Variants in ROBO2 observed in about 807,000 individuals in gnomAD.
ROBO2 encodes roundabout guidance receptor 2.
A neutral mutation model predicts 160.8 loss-of-function variants in ROBO2; 53 were observed. That is an observed-to-expected ratio of 0.33 (90% CI 0.26 to 0.41). ROBO2 has a LOEUF of 0.41. ROBO2 is among the 10% of genes least tolerant of loss of function. ROBO2 has a pLI of 1.00. For synonymous variants in ROBO2, 664 were observed against 611.7 expected (o/e 1.09, Z -1.26); for missense variants, 1,577 against 1,722.4 (o/e 0.92, Z 1.49).
At chr3:76,429,342 A>T (rs970727761) in intron 2 of ROBO2, among the ~76,000 whole-genome samples, 13 of 152,208 alleles carry the variant, frequency 8.5e-5, no homozygotes, top group African/African-American at 3.1e-4. Context: ...CTGTGTTCTA[A>T]CATTTGTGGA....
chr3:75,967,730 C>T (rs1395352587), intron 2 of ROBO2, among the ~76,000 whole-genome samples: 2 of 151,140 alleles, frequency 1.3e-5, no homozygotes, highest in African/African-American at 4.9e-5. Context: ...CATTAAAAAC[C>T]AACCTTATTT....
chr3:76,876,234 C>T (rs2072703223), intron 2 of ROBO2, among the ~76,000 whole-genome samples: 2 of 152,176 alleles, frequency 1.3e-5, no homozygotes, highest in African/African-American at 4.8e-5. Flanking sequence ...CAAGTATTAA[C>T]TCATCAAACG....
At chr3:76,293,706 C>T (rs1708923277) in intron 2 of ROBO2, among the ~76,000 whole-genome samples, 2 of 152,184 alleles carry the variant, frequency 1.3e-5, no homozygotes, top group Admixed American at 1.3e-4. Flanking sequence ...AGAATCAACC[C>T]TTCTAAAGCC....
intron 2 of ROBO2, among the ~76,000 whole-genome samples, chr3:77,373,986 A>G (rs2072226036): frequency 1.3e-5 from 2 of 151,576 alleles, no homozygotes; most frequent in African/African-American, 4.8e-5. Context: ...CAGCCTGGAC[A>G]TGGTGAAACC....
At chr3:76,288,204 T>C (rs140425274) in intron 2 of ROBO2, among the ~76,000 whole-genome samples, 71 of 152,272 alleles carry the variant, frequency 4.7e-4, no homozygotes, top group African/African-American at 1.7e-3. Flanking sequence ...AACATACAAA[T>C]GTCAGTAGAC....
chr3:77,437,126 T>G (rs1259813180), intron 2 of ROBO2, among the ~76,000 whole-genome samples: 1 of 152,034 alleles, frequency 6.6e-6, no homozygotes, highest in African/African-American at 2.4e-5. Flanking sequence ...TGACAAAGGA[T>G]GACAGATTTT....
At chr3:76,051,980 A>T (rs899662692) in intron 2 of ROBO2, among the ~76,000 whole-genome samples, 8 of 152,088 alleles carry the variant, frequency 5.3e-5, no homozygotes, top group Non-Finnish European at 1.0e-4. Context: ...ATATTTATGG[A>T]AAAGCTTCCC....
At chr3:76,997,865 G>A (rs1279981640) in intron 2 of ROBO2, among the ~76,000 whole-genome samples, 2 of 152,146 alleles carry the variant, frequency 1.3e-5, no homozygotes, top group South Asian at 2.1e-4. Flanking sequence ...TGTCAGCTGG[G>A]AAATGGCCCA....
At chr3:77,185,048 T>A (rs1357087305) in intron 2 of ROBO2, among the ~76,000 whole-genome samples, 1 of 151,712 alleles carries the variant, frequency 6.6e-6, no homozygotes, top group Non-Finnish European at 1.5e-5. Flanking sequence ...GAAAACAGAT[T>A]TGGCAAAATT....
At chr3:76,957,701 C>T (rs1299723606) in intron 2 of ROBO2, among the ~76,000 whole-genome samples, 4 of 151,690 alleles carry the variant, frequency 2.6e-5, no homozygotes, top group Admixed American at 6.6e-5. Flanking sequence ...CGTGGTGGCA[C>T]GTGTCTGTAA....
chr3:76,059,081 G>C (rs2067971272), intron 2 of ROBO2, among the ~76,000 whole-genome samples: 1 of 151,254 alleles, frequency 6.6e-6, no homozygotes, highest in African/African-American at 2.4e-5. Context: ...CCAAGTCTTT[G>C]CTATTGTGAA....
chr3:77,244,728 A>G (rs1049249060), intron 2 of ROBO2, among the ~76,000 whole-genome samples: 4 of 151,994 alleles, frequency 2.6e-5, no homozygotes, highest in Admixed American at 2.0e-4. Context: ...AATACAGAAA[A>G]TTAGCCAGAT....
intron 2 of ROBO2, among the ~76,000 whole-genome samples, chr3:76,046,789 T>C (rs996842366): frequency 6.6e-6 from 1 of 151,066 alleles, no homozygotes; most frequent in Non-Finnish European, 1.5e-5. Context: ...TTCATATTGG[T>C]GTTTCTCCCA....
chr3:76,874,798 C>A (rs1352935039), intron 2 of ROBO2, among the ~76,000 whole-genome samples: 1 of 151,956 alleles, frequency 6.6e-6, no homozygotes, highest in East Asian at 1.9e-4. Flanking sequence ...GGTGCCAGAC[C>A]CGGACAGGCC....
chr3:76,188,304 TAAG>T (rs759160011), intron 2 of ROBO2, among the ~76,000 whole-genome samples: 4 of 151,990 alleles, frequency 2.6e-5, no homozygotes, highest in Non-Finnish European at 5.9e-5. Flanking sequence ...TAGGGCTTTT[TAAG>T]AAGGAGAAAT....
Position 75,927,706 on chromosome 3 carries a change from T to G in ROBO2, c.-13-9775T>G, listed in dbSNP as rs75764032. 0.011 allele frequency among the ~76,000 whole-genome samples: 1,706 copies of G among 152,308 alleles called. 212 individuals carry two copies. The East Asian group carries it at 0.28, about 25-fold the overall frequency. ...AAAGTTTCTTGTGGAATTTCCCAAA[T>G]GCCAGCATGGCCACATACAATACAG... is the stretch of plus-strand genomic sequence containing the variant. On this transcript the variant is annotated intron_variant, in intron 1 of 26. Transcript: ENST00000487694.
At chr3:76,663,461 T>G (rs1005364719) in intron 2 of ROBO2, among the ~76,000 whole-genome samples, 4 of 152,124 alleles carry the variant, frequency 2.6e-5, no homozygotes, top group African/African-American at 9.7e-5. Flanking sequence ...TTCCAAAGAT[T>G]GTTTAGTGCT....
At chr3:77,497,519 T>C (rs6768606) in intron 5 of ROBO2, among the ~76,000 whole-genome samples, 17,524 of 152,114 alleles carry the variant, frequency 0.12, 1,049 homozygotes, top group East Asian at 0.2. Flanking sequence ...ATCAGTTCTT[T>C]AGTTTTTGTT....
intron 2 of ROBO2, among the ~76,000 whole-genome samples, chr3:76,277,394 A>G (rs970798998): frequency 3.3e-5 from 5 of 151,972 alleles, no homozygotes; most frequent in African/African-American, 1.2e-4. Flanking sequence ...GTTTTAGATA[A>G]GAAGAAACAT....
Sources: gnomAD v4.1 joint callset for allele counts (sites outside exome capture counted in the v4.1 genomes callset) on GRCh38, gnomAD v4.1.1 for gene constraint, MANE v1.5 for transcripts, NCBI Gene and HGNC (gene_info 2026-07-23, HGNC 2026-07-21) for gene names.